The following NFIA variants were observed in gnomAD, a reference collection of about 807,000 sequenced individuals.
NFIA encodes nuclear factor 1 A-type.
A neutral mutation model predicts 62.8 loss-of-function variants in NFIA; 8 were observed. The ratio of observed to expected loss-of-function variants is 0.13; its 90% confidence interval spans 0.07 to 0.23. The LOEUF is 0.23. Among genes scored for constraint, NFIA ranks in the 10% least tolerant of loss-of-function variants. NFIA has a pLI of 1.00. For missense variants in NFIA, 410 were observed against 642.1 expected (o/e 0.64, Z 3.91); for synonymous variants, 235 against 238.1 (o/e 0.99, Z 0.12).
chr1:61,278,647 T>C (rs1657955679), intron 3 of NFIA, among the ~76,000 whole-genome samples: 1 of 152,096 alleles, frequency 6.6e-6, no homozygotes, highest in African/African-American at 2.4e-5. Flanking sequence ...AATTATTCGG[T>C]CGTAGTGGCA....
intron 2 of NFIA, among the ~76,000 whole-genome samples, chr1:61,140,776 C>G (rs546286516): frequency 2.8e-4 from 43 of 152,030 alleles, no homozygotes; most frequent in African/African-American, 1.0e-3. Context: ...TAAATACAAA[C>G]AGGCTCAGAA....
intron 3 of NFIA, among the ~76,000 whole-genome samples, chr1:61,284,655 A>G (rs893341933): frequency 1.3e-5 from 2 of 152,224 alleles, no homozygotes; most frequent in African/African-American, 4.8e-5. Context: ...CACACAGAGA[A>G]TAACTAGCTG....
At chr1:61,199,028 A>G (rs1652230391) in intron 2 of NFIA, among the ~76,000 whole-genome samples, 1 of 152,080 alleles carries the variant, frequency 6.6e-6, no homozygotes, top group Admixed American at 6.5e-5. Flanking sequence ...CTCACCTCCC[A>G]TTTTGAAATA....
chr1:61,128,922 T>TTG (rs1468945359), intron 2 of NFIA, among the ~76,000 whole-genome samples: 1 of 126,520 alleles, frequency 7.9e-6, no homozygotes, highest in Non-Finnish European at 1.7e-5. Context: ...TATGTTTTTT[T>TTG]TTTTTTTTTT....
chr1:61,396,176 G>A (rs1037177044), intron 7 of NFIA, among the ~76,000 whole-genome samples: 3 of 152,144 alleles, frequency 2.0e-5, no homozygotes, highest in Non-Finnish European at 2.9e-5. Context: ...TCTTTATCTA[G>A]TCTGAAAATA....
chr1:61,096,397 T>G (rs558961772), intron 2 of NFIA, among the ~76,000 whole-genome samples: 1 of 151,878 alleles, frequency 6.6e-6, no homozygotes, highest in Non-Finnish European at 1.5e-5. Flanking sequence ...AGAGACAGGG[T>G]TTCTCCATGT....
intron 6 of NFIA, among the ~76,000 whole-genome samples, chr1:61,365,487 G>T (rs1663539287): frequency 6.6e-6 from 1 of 152,170 alleles, no homozygotes; most frequent in African/African-American, 2.4e-5. Context: ...ATTGGATTCT[G>T]GGTGACTCTA....
Position 61,258,755 on chromosome 1 carries a change from G to T in NFIA, c.560-18765G>T, listed in dbSNP as rs144087427. On this transcript the variant is annotated intron_variant, in intron 2 of 10. Transcript: ENST00000403491. ...TTTTTTTTTATTTTTTTGAAACAGG[G>T]TCTCACTTTGCCACCCAGGCTGGAG... Among the ~76,000 whole-genome samples the T allele has an allele frequency of 2.9e-4, 44 of 151,838 alleles. No individual in the cohort carries two copies. In the East Asian group the frequency reaches 8.3e-3, roughly 29 times the overall value.
intron 2 of NFIA, among the ~76,000 whole-genome samples, chr1:61,113,707 G>T (rs1646747307): frequency 6.6e-6 from 1 of 151,758 alleles, no homozygotes; most frequent in Non-Finnish European, 1.5e-5. Flanking sequence ...TTGAGTTGTG[G>T]ATGAAGGATT....
In NFIA at chr1:61,277,564, A is replaced by G. The variant is rs1418379909; in HGVS notation, c.604A>G (p.Ile202Val). Residue 202 changes from isoleucine (I) to valine (V), a missense_variant, in exon 3 of 11, where the codon ATT becomes GTT. Physicochemically the swap from Ile to Val is conservative, Grantham distance 29 (BLOSUM62 3). Around this residue, in one of 3 missense-constraint regions of NFIA, gnomAD observed 298 missense variants for 438.1 expected, o/e 0.68. Coordinates refer to ENST00000403491, the MANE Select transcript of NFIA (RefSeq NM_001134673.4). ...ESPSQPSDAD[I>V]KDQPENGHLG... ...TCCCAGCCAGCCAAGTGACGCTGAC[A>G]TTAAGGACCAGCCAGAAAATGGTAA... is the stretch of plus-strand genomic sequence containing the variant. The G allele has an allele frequency of 2.5e-6, 4 of 1,613,918 alleles. No homozygotes were observed. In the East Asian group the frequency reaches 6.7e-5, roughly 27 times the overall value.
intron 2 of NFIA, chr1:61,125,259 G>C (rs1646948906): frequency 2.0e-5 from 3 of 152,062 alleles, no homozygotes. Context: ...CATTTGAGCT[G>C]GCATTTTTTC....
At chr1:61,305,375 T>A (rs776284744) in intron 3 of NFIA, among the ~76,000 whole-genome samples, 19 of 152,102 alleles carry the variant, frequency 1.2e-4, no homozygotes, top group Admixed American at 2.6e-4. Flanking sequence ...GGCCAGAACC[T>A]CCGTTAAACA....
Position 61,251,982 on chromosome 1 carries a change from TGAG to T in NFIA, c.560-25534_560-25532del, listed in dbSNP as rs138877815. On this transcript the variant is annotated intron_variant, in intron 2 of 10. Transcript: ENST00000403491. ...ACCATTTAAAATACAGTAACTCCAA[TGAG>T]GAGTTTCTTATAATTATTTCTAATT... is the stretch of plus-strand genomic sequence containing the variant. Among the ~76,000 whole-genome samples, 1,325 of 152,282 alleles carry T rather than the reference TGAG, an allele frequency of 8.7e-3. 13 individuals are homozygous for T. The highest frequency in any genetic ancestry group is 0.014 in the Non-Finnish European group (984 of 67,986).
upstream of NFIA, chr1:61,081,881 C>A: frequency 1.3e-6 from 2 of 1,543,372 alleles, no homozygotes; most frequent in East Asian, 2.4e-5. Flanking sequence ...TGAGCCTTAC[C>A]GCATTTCAGT....
At position 61,212,971 on chromosome 1, in the gene NFIA, A is replaced by G. The variant is rs979436866; in HGVS notation, c.560-64549A>G. On this transcript the variant is annotated intron_variant, in intron 2 of 10. Transcript: ENST00000403491. The stretch of plus-strand genomic sequence containing the variant: ...GGTCACCATTAGTGGTCTGGCAGAG[A>G]TATCTGAGGAGGCTCACCATTGCTC... 3.3e-5 allele frequency among the ~76,000 whole-genome samples: 5 copies of G among 152,158 alleles called. No individual in the cohort carries two copies. In the East Asian group the frequency reaches 5.8e-4, roughly 18 times the overall value.
intron 7 of NFIA, among the ~76,000 whole-genome samples, chr1:61,397,354 T>G (rs772467899): frequency 2.0e-5 from 3 of 152,214 alleles, no homozygotes; most frequent in Non-Finnish European, 2.9e-5. Flanking sequence ...AAGGCCCTCA[T>G]GTCATATCCA....
At chr1:61,452,368 T>A (rs1668096062) in intron 10 of NFIA, among the ~76,000 whole-genome samples, 2 of 152,156 alleles carry the variant, frequency 1.3e-5, no homozygotes, top group Non-Finnish European at 2.9e-5. Context: ...CTAACCAACT[T>A]CCTGTTCTGG....
intron 3 of NFIA, among the ~76,000 whole-genome samples, chr1:61,314,611 C>G (rs1250455547): frequency 6.6e-6 from 1 of 152,138 alleles, no homozygotes; most frequent in African/African-American, 2.4e-5. Context: ...TCTCTTCAAA[C>G]CTCTGTCTGA....
intron 8 of NFIA, among the ~76,000 whole-genome samples, chr1:61,405,969 T>C (rs1362135229): frequency 6.6e-6 from 1 of 152,228 alleles, no homozygotes; most frequent in Non-Finnish European, 1.5e-5. Context: ...CTGTGCCTGA[T>C]GTTATACAAT....
Sources: gnomAD v4.1 joint callset for allele counts (sites outside exome capture counted in the v4.1 genomes callset) on GRCh38, gnomAD v4.1.1 for gene constraint, gnomAD v4.1.1 regional missense constraint, MANE v1.5 for transcripts, NCBI Gene and HGNC (gene_info 2026-07-23, HGNC 2026-07-21) for gene names.